The following ADAMTSL5 variants were observed in gnomAD, a reference collection of about 807,000 sequenced individuals.
The protein encoded by ADAMTSL5 is ADAMTS like 5.
ADAMTSL5 carries 53 observed loss-of-function variants against 51.7 expected under a neutral mutation model. The observed-to-expected ratio is 1.03, with a 90% CI of 0.82 to 1.29. The LOEUF is 1.29. Ranked by LOEUF, ADAMTSL5 falls within the 50% of genes most tolerant of loss-of-function variation. The pLI, the probability that ADAMTSL5 is intolerant of heterozygous loss-of-function variation, is 0.00. For synonymous variants in ADAMTSL5, 285 were observed against 278.7 expected (o/e 1.02, Z -0.23); for missense variants, 770 against 676.2 (o/e 1.14, Z -1.54).
chr19:1,507,492 T>C lies in ADAMTSL5; in HGVS notation c.688+65A>G, dbSNP rs1913006324. 3.1e-6 allele frequency: 5 copies of C among 1,612,058 alleles called. No homozygotes were observed. In the East Asian group the frequency reaches 1.1e-4, roughly 36 times the overall value. On this transcript the variant is annotated intron_variant, in intron 8 of 11. Transcript: ENST00000330475. ...CTCCTCAGGCCTCAGTCTCCCCATC[T>C]GTAAACAGGGACAACCGCCCCCGGG...
Position 1,510,156 on chromosome 19 carries a change from G to T in ADAMTSL5, c.355C>A (p.His119Asn), listed in dbSNP as rs867541463. 6.2e-7 allele frequency: 1 copy of T among 1,610,596 alleles called. No homozygotes were observed. Among genetic ancestry groups the T allele is most frequent in the Middle Eastern group, 1.7e-4 (1 of 6,048 alleles). The change falls in exon 5 of 12, where the codon CAT becomes AAT. Residue 119 changes from histidine (H) to asparagine (N), a missense_variant. His to Asn is a moderately conservative substitution (Grantham distance 68, BLOSUM62 1). Transcript: ENST00000330475. Reference sequence around the variant, plus strand: ...AGGAGACCAGACTACTCACCCCCATGGAAGGGCACCCACTGGTAGGTCTTC... The same window carrying T: ...AGGAGACCAGACTACTCACCCCCATTGAAGGGCACCCACTGGTAGGTCTTC... The part of the protein sequence containing the change: ...TQKTYQWVPF[H>N]GAPNQCDLNC...
Position 1,506,908 on chromosome 19 carries a change from G to C in ADAMTSL5, c.873C>G (p.Asn291Lys), listed in dbSNP as rs1307956734. Reference sequence around the variant, plus strand: ...GCCAGAACTCAAACTCGATGCCAGGGTTGGGCTCCTGCAGGAGGACCTGGA... The same window carrying C: ...GCCAGAACTCAAACTCGATGCCAGGCTTGGGCTCCTGCAGGAGGACCTGGA... ...LLLQVLLQEPNPGIEFEFWLP... is the reference protein window; with the variant it reads ...LLLQVLLQEPKPGIEFEFWLP... Residue 291 changes from asparagine (N) to lysine (K), a missense_variant, in exon 10 of 12, where the codon AAC (asparagine) becomes AAG (lysine). Coordinates refer to ENST00000330475, the MANE Select transcript of ADAMTSL5 (RefSeq NM_213604.3). This position sits in a 1 kb window ranked among gnomAD's most constrained non-coding sequence, Gnocchi z 5.6. The C allele has an allele frequency of 6.5e-7, 1 of 1,548,576 alleles. No homozygotes were observed. The highest frequency in any genetic ancestry group is 8.7e-7 in the Non-Finnish European group (1 of 1,146,012).
At chr19:1,507,206 C>T (rs1912982658) in intron 9 of ADAMTSL5, 36 bp downstream of exon 9, 4 of 1,518,532 alleles carry the variant, frequency 2.6e-6, no homozygotes, top group Non-Finnish European at 3.5e-6. Context: ...TGTCCCCAGC[C>T]GACCCCCTCT....
chr19:1,505,944 G>A lies in ADAMTSL5; in HGVS notation c.*71C>T. The A allele has an allele frequency of 2.1e-6, 3 of 1,436,786 alleles. No homozygotes were observed. Among genetic ancestry groups the A allele is most frequent in the Non-Finnish European group, 2.7e-6 (3 of 1,097,730 alleles). 89.0% of individuals were successfully genotyped at this position (1,436,786 alleles called of 1,614,324 possible). On this transcript the variant is annotated 3_prime_UTR_variant, in exon 12 of 12. Transcript: ENST00000330475. ...CTGCCTGGAAGCCAGGGTGAGAGGG[G>A]AAATACGTTGACGTTGAGGCTGGTC...
At chr19:1,507,507 C>T (rs778827204) in intron 8 of ADAMTSL5, 50 bp downstream of exon 8, 8 of 1,612,318 alleles carry the variant, frequency 5.0e-6, no homozygotes, top group Non-Finnish European at 5.9e-6. Flanking sequence ...ACAGGGACAA[C>T]CGCCCCCGGG....
chr19:1,512,663 T>G (rs542405079), intron 1 of ADAMTSL5, among the ~76,000 whole-genome samples: 6 of 151,304 alleles, frequency 4.0e-5, no homozygotes, highest in East Asian at 2.0e-4. Context: ...CTGGGCGACA[T>G]AGTGAGACTC....
At chr19:1,511,588 G>GCCCCC in intron 1 of ADAMTSL5, 2 of 1,261,278 alleles carry the variant, frequency 1.6e-6, no homozygotes, top group Non-Finnish European at 1.0e-6. Flanking sequence ...TAGGGCTGGG[G>GCCCCC]CCCCCTCCCC....
rs1913238653 is a variant in ADAMTSL5 at position 1,510,974 on chromosome 19, C to A, written c.-31G>T. On this transcript the variant is annotated 5_prime_UTR_variant, in exon 2 of 12. Transcript: ENST00000330475. ...CACCGCCAGAGACACAGGGTTGTGT[C>A]CCGGCTCTGCCCTGACTGGCTGTGT... The A allele has an allele frequency of 4.4e-6, 6 of 1,364,500 alleles. No individual in the cohort carries two copies. The South Asian group carries it at 1.1e-4, about 25-fold the overall frequency. The allele number at this position is 1,364,500 out of a possible 1,614,324, so 84.5% of individuals were successfully genotyped here. A position where few individuals can be genotyped will look rare whatever the true frequency, so the allele number is the denominator to read the frequency against.
rs931858123 is a variant in ADAMTSL5 at position 1,510,621 on chromosome 19, C to T, written c.191+18G>A. ...GGCGGGGGAGGAGGGGCAGGGACCC[C>T]CTCCGGGCCCCGCTCACCGGAGGCA... On this transcript the variant is annotated intron_variant, in intron 3 of 11. Coordinates refer to ENST00000330475, the MANE Select transcript of ADAMTSL5 (RefSeq NM_213604.3). 6.6e-7 allele frequency: 1 copy of T among 1,525,050 alleles called. No individual in the cohort carries two copies. The highest frequency in any genetic ancestry group is 1.2e-5 in the South Asian group (1 of 81,224). 94.5% of individuals were successfully genotyped at this position (1,525,050 alleles called of 1,614,324 possible).
At chr19:1,508,415 G>T (rs1440292664) in intron 6 of ADAMTSL5, 28 bp downstream of exon 6, 35 of 1,492,798 alleles carry the variant, frequency 2.3e-5, no homozygotes, top group Non-Finnish European at 3.1e-5. Flanking sequence ...GGTGGGCGGG[G>T]CTCGGGCGGG....
rs1056330635 is a variant in ADAMTSL5 at position 1,505,240 on chromosome 19, C to T, written c.*775G>A. On this transcript the variant is annotated 3_prime_UTR_variant, in exon 12 of 12. Transcript: ENST00000330475. ...AAAGTTAGCCGGGCATGGTGATTCA[C>T]ACCTGGAGTTCCAGCTGCTGTGGAG... 6.6e-6 allele frequency: 1 copy of T among 152,182 alleles called. No homozygotes were observed. The highest frequency in any genetic ancestry group is 1.5e-5 in the Non-Finnish European group (1 of 68,142). The allele number at this position is 152,182 out of a possible 1,614,324, so 9.4% of individuals were successfully genotyped here.
At chr19:1,508,181 G>A in intron 6 of ADAMTSL5, 72 bp from the exon 7 acceptor site, 4 of 1,461,196 alleles carry the variant, frequency 2.7e-6, no homozygotes, top group Non-Finnish European at 3.7e-6. Flanking sequence ...GGCAGTGCCT[G>A]GGAGCAAGAG....
In ADAMTSL5 at chr19:1,505,951, G is replaced by A. The variant is rs991790367; in HGVS notation, c.*64C>T. 9 of 1,442,278 alleles carry A rather than the reference G, an allele frequency of 6.2e-6. No homozygotes were observed. In the South Asian group the frequency reaches 7.3e-5, roughly 12 times the overall value. The allele number at this position is 1,442,278 out of a possible 1,614,324, so 89.3% of individuals were successfully genotyped here. ...GAAGCCAGGGTGAGAGGGGAAATACGTTGACGTTGAGGCTGGTCAGATGTA... is the reference window on the plus strand; with the variant it reads ...GAAGCCAGGGTGAGAGGGGAAATACATTGACGTTGAGGCTGGTCAGATGTA... On this transcript the variant is annotated 3_prime_UTR_variant, in exon 12 of 12. Transcript: ENST00000330475.
intron 2 of ADAMTSL5, 35 bp from the exon 3 acceptor site, chr19:1,510,765 A>T (rs1263837614): frequency 6.6e-7 from 1 of 1,522,836 alleles, no homozygotes; most frequent in Non-Finnish European, 8.8e-7. Context: ...TCAGCCTTGT[A>T]GGGGGACGCT....
At chr19:1,512,218 T>C (rs1913297276) in intron 1 of ADAMTSL5, among the ~76,000 whole-genome samples, 1 of 152,298 alleles carries the variant, frequency 6.6e-6, no homozygotes, top group East Asian at 1.9e-4. Flanking sequence ...ACCTGGACCC[T>C]GTTTCCCTGG....
chr19:1,510,744 CAG>C lies in ADAMTSL5; in HGVS notation c.100-16_100-15del, dbSNP rs771845132. Reference sequence around the variant, plus strand: ...CTCGCCCGGACCCTACTTGGGGAGACAGAGGCACGGTCAGCCTTGTAGGGGGA... The same window carrying C: ...CTCGCCCGGACCCTACTTGGGGAGACAGGCACGGTCAGCCTTGTAGGGGGA... On this transcript the variant is annotated splice_polypyrimidine_tract_variant and intron_variant, in intron 2 of 11. Coordinates refer to ENST00000330475, the MANE Select transcript of ADAMTSL5 (RefSeq NM_213604.3). 2.6e-6 allele frequency: 4 copies of C among 1,528,732 alleles called. No homozygotes were observed. Among genetic ancestry groups the C allele is most frequent in the Non-Finnish European group, 3.5e-6 (4 of 1,134,646 alleles). 94.7% of individuals were successfully genotyped at this position (1,528,732 alleles called of 1,614,324 possible). A position where few individuals can be genotyped will look rare whatever the true frequency, so the allele number is the denominator to read the frequency against.
At chr19:1,508,923 C>T (rs764249969) in intron 5 of ADAMTSL5, 1 of 180,800 alleles carries the variant, frequency 5.5e-6, no homozygotes, top group African/African-American at 2.4e-5. Context: ...GATACAGAAG[C>T]AAGAATTCAA....
chr19:1,508,221 A>G (rs1913064946), intron 6 of ADAMTSL5, 112 bp from the exon 7 acceptor site: 4 of 1,291,114 alleles, frequency 3.1e-6, no homozygotes, highest in Non-Finnish European at 4.3e-6. Context: ...ATGGGGGTGG[A>G]GCCTAGGGAG....
intron 5 of ADAMTSL5, chr19:1,508,858 C>T (rs1460501118): frequency 3.2e-6 from 1 of 315,216 alleles, no homozygotes; most frequent in Non-Finnish European, 5.8e-6. Flanking sequence ...CACCATTACT[C>T]ATTCTTCATT....
Sources: allele counts gnomAD v4.1 joint callset (sites outside exome capture counted in the v4.1 genomes callset), GRCh38; gene constraint gnomAD v4.1.1; non-coding constraint Gnocchi (gnomAD v3.1); transcripts MANE v1.5; gene names NCBI Gene and HGNC (gene_info 2026-07-23, HGNC 2026-07-21).